ZNF337: variants seen among roughly 807,000 people sequenced by gnomAD.
The protein encoded by ZNF337 is zinc finger protein 337.
In ZNF337, 8 loss-of-function variants were observed where a neutral mutation model predicts 12.1. That is an observed-to-expected ratio of 0.66 (90% CI 0.39 to 1.19). The LOEUF (loss-of-function observed/expected upper bound fraction) is 1.19, where lower values mean the gene tolerates loss of function less well. Among genes scored for constraint, ZNF337 ranks in the 50% most tolerant of loss-of-function variants. ZNF337 has a pLI of 0.01. For missense variants in ZNF337, 882 were observed against 896.6 expected, an observed-to-expected ratio of 0.98 and a Z score of 0.21; for synonymous variants, 336 against 320.0, an observed-to-expected ratio of 1.05 and a Z score of -0.53.
At position 25,676,594 on chromosome 20, in the gene ZNF337, C is replaced by T; in HGVS notation, c.694G>A (p.Gly232Arg). 2.5e-6 allele frequency: 4 copies of T among 1,614,070 alleles called. No homozygotes were observed. The highest frequency in any genetic ancestry group is 2.2e-5 in the East Asian group (1 of 44,872). ...ALLLHQNTHT[G>R]EKSYVCSVCG... ...ACACTGCACACATAGGACTTCTCTC[C>T]TGTGTGTGTGTTCTGGTGCAAGAGC... The change falls in exon 5 of 5, where the codon GGA becomes AGA. Residue 232 changes from glycine (G) to arginine (R), a missense_variant. Coordinates refer to ENST00000252979, the MANE Select transcript of ZNF337 (RefSeq NM_015655.4).
In ZNF337 at chr20:25,676,736, C is replaced by T. The variant is rs1197854015; in HGVS notation, c.552G>A (p.Glu184=). The T allele has an allele frequency of 6.2e-7, 1 of 1,614,220 alleles. No homozygotes were observed. The highest frequency in any genetic ancestry group is 8.5e-7 in the Non-Finnish European group (1 of 1,180,042). ...NSRWGAFKCA[E]RGQDFSRKMM... The stretch of plus-strand genomic sequence containing the variant: ...TCTTCCGGCTGAAGTCTTGCCCACG[C>T]TCTGCACACTTGAATGCTCCCCATC... Residue 184 remains glutamate, a synonymous_variant, in exon 5 of 5, where the codon GAG becomes GAA. Transcript: ENST00000252979.
At position 25,675,688 on chromosome 20, in the gene ZNF337, G is replaced by A. The variant is rs373056306; in HGVS notation, c.1600C>T (p.His534Tyr). The change falls in exon 5 of 5, where the codon CAT becomes TAT. Residue 534 changes from histidine to tyrosine, a missense_variant. Coordinates refer to ENST00000252979, the MANE Select transcript of ZNF337 (RefSeq NM_015655.4). Reference sequence around the variant, plus strand: ...TTCTCTCCTGAGTGTGTCCTCTGATGTATGGTGAGATTTGGCTTCAAGGTA... The same window carrying A: ...TTCTCTCCTGAGTGTGTCCTCTGATATATGGTGAGATTTGGCTTCAAGGTA... ...GFTLKPNLTI[H>Y]QRTHSGEKPF... 1.9e-6 allele frequency: 3 copies of A among 1,614,020 alleles called. No homozygotes were observed. Among genetic ancestry groups the A allele is most frequent in the Non-Finnish European group, 2.5e-6 (3 of 1,180,046 alleles).
Position 25,674,975 on chromosome 20 carries a change from T to C in ZNF337, c.*57A>G. 2 of 1,523,522 alleles carry C rather than the reference T, an allele frequency of 1.3e-6. No homozygotes were observed. Among genetic ancestry groups the C allele is most frequent in the Non-Finnish European group, 1.8e-6 (2 of 1,118,372 alleles). The allele number at this position is 1,523,522 out of a possible 1,614,324, so 94.4% of individuals were successfully genotyped here. On this transcript the variant is annotated 3_prime_UTR_variant, in exon 5 of 5. Transcript: ENST00000252979. ...GTTATGCAGCCTCAACTAAAGCTTGTAACAAAGCAAAGTTACTCTCCTGAG... is the reference window on the plus strand; with the variant it reads ...GTTATGCAGCCTCAACTAAAGCTTGCAACAAAGCAAAGTTACTCTCCTGAG...
At chr20:25,689,045 G>T (rs1569015364) in intron 1 of ZNF337, among the ~76,000 whole-genome samples, 1 of 151,634 alleles carries the variant, frequency 6.6e-6, no homozygotes, top group Non-Finnish European at 1.5e-5. Context: ...GCTGAGGCAG[G>T]AGAATGGCGT....
chr20:25,682,725 C>T (rs2065781695), intron 4 of ZNF337, among the ~76,000 whole-genome samples: 1 of 151,938 alleles, frequency 6.6e-6, no homozygotes. Flanking sequence ...GTCCCAGCTA[C>T]TCAAGAGGCT....
chr20:25,673,751 T>A lies in ZNF337; in HGVS notation c.*1281A>T, dbSNP rs2065642086. On this transcript the variant is annotated 3_prime_UTR_variant, in exon 5 of 5. Coordinates refer to ENST00000252979, the MANE Select transcript of ZNF337 (RefSeq NM_015655.4). ...AGGGAGTCCTGGTTTACTTAACCAT[T>A]AACTGTTTGCTAATGGCTGAATGAA... 1 of 152,214 alleles carries A rather than the reference T, an allele frequency of 6.6e-6. No individual in the cohort carries two copies. Among genetic ancestry groups the A allele is most frequent in the Admixed American group, 6.5e-5 (1 of 15,286 alleles). The allele number at this position is 152,214 out of a possible 1,614,324, so 9.4% of individuals were successfully genotyped here.
chr20:25,683,737 A>G (rs575048184), intron 4 of ZNF337, among the ~76,000 whole-genome samples: 3 of 152,130 alleles, frequency 2.0e-5, no homozygotes, highest in African/African-American at 7.2e-5. Context: ...AAATAGGAAC[A>G]CTTTTACACT....
At chr20:25,690,529 T>G (rs957571979) in intron 1 of ZNF337, among the ~76,000 whole-genome samples, 2 of 152,172 alleles carry the variant, frequency 1.3e-5, no homozygotes, top group African/African-American at 4.8e-5. Context: ...TTCTAAGCTG[T>G]TGGAGGCTGC....
At chr20:25,696,153 A>G (rs1258112141) in intron 1 of ZNF337, among the ~76,000 whole-genome samples, 1 of 123,624 alleles carries the variant, frequency 8.1e-6, no homozygotes, top group Non-Finnish European at 1.6e-5. Context: ...CCCGGCCTAC[A>G]CTCCTATCCG....
At chr20:25,696,662 G>A (rs2065934663) in intron 1 of ZNF337, 97 bp downstream of exon 1, 4 of 846,562 alleles carry the variant, frequency 4.7e-6, no homozygotes, top group Admixed American at 1.2e-4. Flanking sequence ...CGCGCGCTAC[G>A]GCCCCAGCAG....
intron 1 of ZNF337, among the ~76,000 whole-genome samples, chr20:25,694,333 C>T (rs1035652090): frequency 1.3e-5 from 2 of 152,146 alleles, no homozygotes; most frequent in Non-Finnish European, 2.9e-5. Context: ...TCAACTCTCA[C>T]TGTAAAGGAC....
At chr20:25,696,009 C>CA (rs926564683) in intron 1 of ZNF337, among the ~76,000 whole-genome samples, 6 of 151,108 alleles carry the variant, frequency 4.0e-5, no homozygotes, top group African/African-American at 1.5e-4. Context: ...ATTTTGCCGT[C>CA]ATTAGCAAGG....
At chr20:25,684,641 T>C (rs976729134) in intron 4 of ZNF337, among the ~76,000 whole-genome samples, 9 of 152,174 alleles carry the variant, frequency 5.9e-5, no homozygotes, top group Admixed American at 5.2e-4. Context: ...ACCCGAAGGA[T>C]TATAAATCAT....
chr20:25,692,514 A>T (rs1190166223), intron 1 of ZNF337, among the ~76,000 whole-genome samples: 4 of 152,174 alleles, frequency 2.6e-5, no homozygotes, highest in African/African-American at 9.7e-5. Context: ...CAACAAGGGA[A>T]CAGAGAGATC....
intron 1 of ZNF337, among the ~76,000 whole-genome samples, chr20:25,691,540 GAAGTT>G (rs1364601382): frequency 6.6e-6 from 1 of 152,156 alleles, no homozygotes; most frequent in African/African-American, 2.4e-5. Context: ...CAGGGGGAGA[GAAGTT>G]AAGAATAGTG....
At chr20:25,688,560 A>G (rs1006773947) in intron 1 of ZNF337, among the ~76,000 whole-genome samples, 1 of 152,238 alleles carries the variant, frequency 6.6e-6, no homozygotes, top group African/African-American at 2.4e-5. Flanking sequence ...GCTGTCACAC[A>G]TAACCTTTGT....
In ZNF337 at chr20:25,674,985, A is replaced by C. The variant is rs2065659046; in HGVS notation, c.*47T>G. The stretch of plus-strand genomic sequence containing the variant: ...CTCAACTAAAGCTTGTAACAAAGCA[A>C]AGTTACTCTCCTGAGTGTGTCCTCT... On this transcript the variant is annotated 3_prime_UTR_variant, in exon 5 of 5. Coordinates refer to ENST00000252979, the MANE Select transcript of ZNF337 (RefSeq NM_015655.4). 2 of 1,548,474 alleles carry C rather than the reference A, an allele frequency of 1.3e-6. No individual in the cohort carries two copies. Among genetic ancestry groups the C allele is most frequent in the Non-Finnish European group, 1.8e-6 (2 of 1,138,148 alleles).
chr20:25,688,157 G>T (rs1199706096), intron 1 of ZNF337, among the ~76,000 whole-genome samples: 1 of 152,122 alleles, frequency 6.6e-6, no homozygotes. Context: ...AAGTCACAAA[G>T]ATATTCCCCT....
rs1452434407 is a variant in ZNF337 at position 25,673,398 on chromosome 20, C to G, written c.*1634G>C. Among the ~76,000 whole-genome samples the G allele has an allele frequency of 6.6e-6, 1 of 152,174 alleles. No individual in the cohort carries two copies. ...TGTGTGCAGCTATGTAGGGCACATG[C>G]TCATTAAGCTGGCCTTAATTGTGAA... is the stretch of plus-strand genomic sequence containing the variant. On this transcript the variant is annotated 3_prime_UTR_variant, in exon 5 of 5. Transcript: ENST00000252979.
Sources: allele counts gnomAD v4.1 joint callset (sites outside exome capture counted in the v4.1 genomes callset), GRCh38; gene constraint gnomAD v4.1.1; transcripts MANE v1.5; gene names NCBI Gene and HGNC (gene_info 2026-07-23, HGNC 2026-07-21).